SDHAF4: variants seen among roughly 807,000 people sequenced by gnomAD.
SDHAF4 encodes succinate dehydrogenase complex assembly factor 4.
In SDHAF4, 14 loss-of-function variants were observed where a neutral mutation model predicts 14.3. The ratio of observed to expected loss-of-function variants is 0.98; its 90% confidence interval spans 0.65 to 1.53. The LOEUF (loss-of-function observed/expected upper bound fraction) is 1.53, where lower values mean the gene tolerates loss of function less well. Among genes scored for constraint, SDHAF4 ranks in the 40% most tolerant of loss-of-function variants. SDHAF4 has a pLI of 0.00. For missense variants in SDHAF4, 141 were observed against 129.3 expected (o/e 1.09, Z -0.44); for synonymous variants, 63 against 47.3 (o/e 1.33, Z -1.36).
chr6:70,587,383 T>G (rs1229821455), intron 2 of SDHAF4, among the ~76,000 whole-genome samples: 1 of 152,048 alleles, frequency 6.6e-6, no homozygotes, highest in South Asian at 2.1e-4. Flanking sequence ...TCCCAGCTAC[T>G]TGGGAGGCTG....
the SDHAF4 span, among the ~76,000 whole-genome samples, chr6:70,598,130 C>T: frequency 6.6e-6 from 1 of 152,158 alleles, no homozygotes; most frequent in South Asian, 2.1e-4. Context: ...GTAATCCCAG[C>T]ATTTTGGAAG....
rs2842058 is a variant in SDHAF4, at chr6:70,566,992, T to C, written c.52T>C (p.Trp18Arg). ...GCTTAGCTGGGTCTCGGCCACGGCG[T>C]GGAGAGCGGCAAGTAAGCACCTGGC... ...WLLSWVSATAWRAARSPLLCH... is the reference protein window; with the variant it reads ...WLLSWVSATARRAARSPLLCH... The change falls in exon 1 of 3, where the codon TGG becomes CGG. Residue 18 changes from tryptophan to arginine, a missense_variant. Physicochemically the swap from Trp to Arg is moderately radical, Grantham distance 101. Transcript: ENST00000370474. 6.7e-5 allele frequency: 106 copies of C among 1,589,530 alleles called. No homozygotes were observed. The highest frequency in any genetic ancestry group is 1.3e-5 in the African/African-American group (1 of 74,460).
intron 1 of SDHAF4, 94 bp from the exon 2 acceptor site, chr6:70,579,320 T>C (rs1802292564): frequency 9.9e-7 from 1 of 1,007,872 alleles, no homozygotes; most frequent in Non-Finnish European, 1.3e-6. Flanking sequence ...GAAATGTGAA[T>C]GTATAAACTA....
intron 1 of SDHAF4, among the ~76,000 whole-genome samples, chr6:70,574,820 G>C (rs1802229495): frequency 6.6e-6 from 1 of 152,008 alleles, no homozygotes; most frequent in Non-Finnish European, 1.5e-5. Context: ...CCCAGCTGCT[G>C]AGGAGGCTGA....
rs963966245 is a variant in SDHAF4, at chr6:70,581,939, C to T, written c.217+2373C>T. 3.3e-5 allele frequency among the ~76,000 whole-genome samples: 5 copies of T among 152,210 alleles called. No individual in the cohort carries two copies. The East Asian group carries it at 9.7e-4, about 29-fold the overall frequency. On this transcript the variant is annotated intron_variant, in intron 2 of 2. Coordinates refer to ENST00000370474, the MANE Select transcript of SDHAF4 (RefSeq NM_145267.3). ...TCTTTAGTTTCTCACCCTATTTCTT[C>T]ACCAGTTTCTTCCTGGGCTCCTTTT...
At chr6:70,569,017 G>C (rs970241352) in intron 1 of SDHAF4, among the ~76,000 whole-genome samples, 13 of 138,986 alleles carry the variant, frequency 9.4e-5, no homozygotes, top group Non-Finnish European at 1.8e-4. Context: ...CCGGGCTGGA[G>C]TGCAGTGGCG....
intron 1 of SDHAF4, among the ~76,000 whole-genome samples, chr6:70,570,095 C>T (rs990928466): frequency 2.0e-5 from 3 of 152,088 alleles, no homozygotes; most frequent in African/African-American, 7.2e-5. Flanking sequence ...GTCCCATTGA[C>T]CTATTTGTCT....
chr6:70,594,139 T>G (rs778742485), downstream of SDHAF4, among the ~76,000 whole-genome samples: 1 of 152,244 alleles, frequency 6.6e-6, no homozygotes, highest in Non-Finnish European at 1.5e-5. Flanking sequence ...AGTAGATAAA[T>G]TGTTTTCGCA....
Position 70,575,892 on chromosome 6 carries a change from T to C in SDHAF4, c.65-3522T>C, listed in dbSNP as rs146267540. ...TTATGGTTGTTATTTCATGATGTTG[T>C]TAAAAGAGGCTTTTGTTTTAAGTTT... On this transcript the variant is annotated intron_variant, in intron 1 of 2. Coordinates refer to ENST00000370474, the MANE Select transcript of SDHAF4 (RefSeq NM_145267.3). Among the ~76,000 whole-genome samples, 90 of 151,862 alleles carry C rather than the reference T, an allele frequency of 5.9e-4. 1 individual carries two copies. The East Asian group carries it at 0.017, about 28-fold the overall frequency.
downstream of SDHAF4, among the ~76,000 whole-genome samples, chr6:70,592,214 G>A (rs1581934672): frequency 6.6e-6 from 1 of 152,208 alleles, no homozygotes; most frequent in Non-Finnish European, 1.5e-5. Flanking sequence ...AAGAAAACTG[G>A]CACTGGGAGT....
At chr6:70,597,958 TAC>T in the SDHAF4 span, among the ~76,000 whole-genome samples, 1 of 152,216 alleles carries the variant, frequency 6.6e-6, no homozygotes, top group Non-Finnish European at 1.5e-5. Flanking sequence ...ATAAATGAAT[TAC>T]AAAAGATTAT....
At position 70,588,835 on chromosome 6, in the gene SDHAF4, G is replaced by C; in HGVS notation, c.*111G>C. ...CTTTATGTCGTGTAGTTTGTATAATGTGTTTAAATATATATATATATGATG... is the reference window on the plus strand; with the variant it reads ...CTTTATGTCGTGTAGTTTGTATAATCTGTTTAAATATATATATATATGATG... On this transcript the variant is annotated 3_prime_UTR_variant, in exon 3 of 3. Coordinates refer to ENST00000370474, the MANE Select transcript of SDHAF4 (RefSeq NM_145267.3). 1 of 369,870 alleles carries C rather than the reference G, an allele frequency of 2.7e-6. No homozygotes were observed. 22.9% of individuals were successfully genotyped at this position (369,870 alleles called of 1,614,324 possible).
intron 1 of SDHAF4, among the ~76,000 whole-genome samples, chr6:70,572,398 G>A (rs1425517351): frequency 6.6e-6 from 1 of 152,014 alleles, no homozygotes; most frequent in Non-Finnish European, 1.5e-5. Flanking sequence ...TCAGTGTATT[G>A]TATACTTGAA....
chr6:70,576,337 A>G (rs566023815), intron 1 of SDHAF4, among the ~76,000 whole-genome samples: 245 of 152,348 alleles, frequency 1.6e-3, no homozygotes, highest in African/African-American at 5.2e-3. Context: ...TGGTCTTTCA[A>G]CTTTTCCTTG....
chr6:70,590,524 AC>A (rs1765249104), downstream of SDHAF4, among the ~76,000 whole-genome samples: 2 of 152,054 alleles, frequency 1.3e-5, no homozygotes, highest in Admixed American at 1.3e-4. Flanking sequence ...CCTAGGTGAA[AC>A]CTAGGTCATA....
downstream of SDHAF4, among the ~76,000 whole-genome samples, chr6:70,594,007 T>A (rs1483814791): frequency 6.6e-6 from 1 of 152,184 alleles, no homozygotes; most frequent in African/African-American, 2.4e-5. Flanking sequence ...GCTTCAAGAT[T>A]TAATGTCTTC....
At chr6:70,586,836 A>T (rs1270050306) in intron 2 of SDHAF4, among the ~76,000 whole-genome samples, 3 of 152,180 alleles carry the variant, frequency 2.0e-5, no homozygotes, top group Non-Finnish European at 4.4e-5. Context: ...AAGTATTGGG[A>T]GAGTGGCCAC....
the SDHAF4 span, among the ~76,000 whole-genome samples, chr6:70,596,275 G>A: frequency 9.8e-5 from 15 of 152,304 alleles, no homozygotes; most frequent in South Asian, 2.9e-3. Flanking sequence ...CCCAGCCAAT[G>A]AGTGAGAATG....
At chr6:70,575,609 GTTTTACC>G (rs988740202) in intron 1 of SDHAF4, among the ~76,000 whole-genome samples, 5 of 151,712 alleles carry the variant, frequency 3.3e-5, no homozygotes, top group African/African-American at 1.2e-4. Context: ...GTTTGATTTT[GTTTTACC>G]TTTTTAGGTG....
Sources: allele counts gnomAD v4.1 joint callset (sites outside exome capture counted in the v4.1 genomes callset), GRCh38; gene constraint gnomAD v4.1.1; transcripts MANE v1.5; gene names NCBI Gene and HGNC (gene_info 2026-07-23, HGNC 2026-07-21).